DCDC2C: variants seen among roughly 807,000 people sequenced by gnomAD.
DCDC2C encodes doublecortin domain containing 2C.
A neutral mutation model predicts 45.0 loss-of-function variants in DCDC2C; 44 were observed. The ratio of observed to expected loss-of-function variants is 0.98; its 90% CI spans 0.77 to 1.26. The LOEUF (loss-of-function observed/expected upper bound fraction) is 1.26. Ranked by LOEUF, DCDC2C falls within the 50% of genes most tolerant of loss-of-function variation. DCDC2C has a pLI of 0.00. For missense variants in DCDC2C, 447 were observed against 468.9 expected, an observed-to-expected ratio of 0.95 and a Z score of 0.43; for synonymous variants, 187 against 178.8, an observed-to-expected ratio of 1.05 and a Z score of -0.37.
At chr2:3,739,279 A>T (rs1188520045) in intron 3 of DCDC2C, among the ~76,000 whole-genome samples, 1 of 152,214 alleles carries the variant, frequency 6.6e-6, no homozygotes, top group Admixed American at 6.5e-5. Flanking sequence ...GGGGGAAGGG[A>T]ACTGCTGGGG....
At chr2:3,738,539 GGAAAAAAAAA>G (rs1412089745) in intron 3 of DCDC2C, among the ~76,000 whole-genome samples, 4 of 55,248 alleles carry the variant, frequency 7.2e-5, no homozygotes, top group Non-Finnish European at 1.3e-4. Context: ...GGTCTATCTG[GGAAAAAAAAA>G]AAAAAAAAAA....
rs77670527 is a variant in DCDC2C, at chr2:3,779,662, G to A, written c.1023+778G>A. Among the ~76,000 whole-genome samples, 12 of 152,280 alleles carry A rather than the reference G, an allele frequency of 7.9e-5. No individual in the cohort carries two copies. In the East Asian group the frequency reaches 1.5e-3, roughly 20 times the overall value. On this transcript the variant is annotated intron_variant, in intron 9 of 10. Transcript: ENST00000399143. ...CAGGGAGCTGTGTAAATTGATCATC[G>A]CACAGGAGGCTGTGTAATGAGCTCC... is the stretch of plus-strand genomic sequence containing the variant.
At chr2:3,723,661 T>C (rs1668555772) in intron 2 of DCDC2C, among the ~76,000 whole-genome samples, 1 of 152,060 alleles carries the variant, frequency 6.6e-6, no homozygotes, top group South Asian at 2.1e-4. Context: ...GCTACTTTGC[T>C]TGCCATGAGG....
chr2:3,832,154 TGC>T (rs1370126415), intron 10 of DCDC2C, among the ~76,000 whole-genome samples: 1 of 152,222 alleles, frequency 6.6e-6, no homozygotes, highest in Non-Finnish European at 1.5e-5. Context: ...TCAAAACATC[TGC>T]CAACACTAAA....
At position 3,759,305 on chromosome 2, in the gene DCDC2C, C is replaced by T. The variant is rs1411066948; in HGVS notation, c.726+4671C>T. 1.3e-5 allele frequency among the ~76,000 whole-genome samples: 2 copies of T among 152,132 alleles called. 1 individual carries two copies. Among genetic ancestry groups the T allele is most frequent in the Non-Finnish European group, 2.9e-5 (2 of 68,022 alleles). The stretch of plus-strand genomic sequence containing the variant: ...TTCTTTATGTACAAGCATGCTATGT[C>T]ATAAAAATGGGTGTCTAAATGGTTC... On this transcript the variant is annotated intron_variant, in intron 6 of 10. Transcript: ENST00000399143.
intron 2 of DCDC2C, among the ~76,000 whole-genome samples, chr2:3,722,372 C>G (rs966115808): frequency 6.6e-6 from 1 of 152,230 alleles, no homozygotes; most frequent in African/African-American, 2.4e-5. Context: ...TATAACCTCT[C>G]TGATTCTTTG....
At chr2:3,800,629 G>A (rs1035938930) in intron 10 of DCDC2C, among the ~76,000 whole-genome samples, 3 of 123,948 alleles carry the variant, frequency 2.4e-5, no homozygotes, top group East Asian at 3.8e-4. Flanking sequence ...TGAGATAATC[G>A]TGTGGCTTCA....
At chr2:3,730,515 CTG>C (rs1232171498) in intron 3 of DCDC2C, among the ~76,000 whole-genome samples, 1 of 152,028 alleles carries the variant, frequency 6.6e-6, no homozygotes, top group Non-Finnish European at 1.5e-5. Context: ...ACAAAAGGAA[CTG>C]TTTTAAGGAA....
intron 7 of DCDC2C, 73 bp downstream of exon 7, chr2:3,767,953 T>TC (rs1670060085): frequency 7.3e-7 from 1 of 1,379,218 alleles, no homozygotes; most frequent in Non-Finnish European, 9.4e-7. Context: ...TTTTTTTTTT[T>TC]TCAGAGAAAT....
chr2:3,708,625 A>C (rs1265179518), intron 2 of DCDC2C, 25 bp downstream of exon 2: 10 of 1,525,224 alleles, frequency 6.6e-6, no homozygotes, highest in Non-Finnish European at 8.8e-6. Context: ...CTAACAACTA[A>C]TAATGGAATA....
At chr2:3,846,890 C>A (rs1352119578) in intron 10 of DCDC2C, among the ~76,000 whole-genome samples, 2 of 152,180 alleles carry the variant, frequency 1.3e-5, no homozygotes, top group Non-Finnish European at 2.9e-5. Context: ...AATGGAGTGG[C>A]CACCAGCACT....
At chr2:3,758,737 G>A (rs1274556774) in intron 6 of DCDC2C, among the ~76,000 whole-genome samples, 4 of 152,328 alleles carry the variant, frequency 2.6e-5, no homozygotes, top group African/African-American at 7.2e-5. Context: ...TTTCACCTTG[G>A]TTGCTTATGA....
chr2:3,754,635 G>A lies in DCDC2C; in HGVS notation c.726+1G>A. The A allele has an allele frequency of 6.5e-7, 1 of 1,549,092 alleles. No individual in the cohort carries two copies. Among genetic ancestry groups the A allele is most frequent in the South Asian group, 1.2e-5 (1 of 83,714 alleles). ...AAAAAACTCACAGAGAAAGAAAAAAGTAAGTAACTTTTTAAAACAAGTAAG... is the reference window on the plus strand; with the variant it reads ...AAAAAACTCACAGAGAAAGAAAAAAATAAGTAACTTTTTAAAACAAGTAAG... On this transcript the variant is annotated splice_donor_variant, in intron 6 of 10. Transcript: ENST00000399143. LOFTEE classifies it high-confidence loss of function.
intron 3 of DCDC2C, among the ~76,000 whole-genome samples, chr2:3,740,043 A>G (rs941852280): frequency 2.0e-5 from 3 of 152,224 alleles, no homozygotes; most frequent in African/African-American, 7.2e-5. Context: ...GTTCACAACC[A>G]CTATTAACCC....
At chr2:3,831,163 T>A (rs1671940879) in intron 10 of DCDC2C, among the ~76,000 whole-genome samples, 1 of 152,144 alleles carries the variant, frequency 6.6e-6, no homozygotes, top group Admixed American at 6.5e-5. Flanking sequence ...GGTTTTCTCC[T>A]ATTTGTAGAC....
intron 6 of DCDC2C, among the ~76,000 whole-genome samples, chr2:3,765,924 C>G (rs2148148388): frequency 6.6e-6 from 1 of 152,224 alleles, no homozygotes; most frequent in South Asian, 2.1e-4. Flanking sequence ...CTGCGCTGCT[C>G]CCGATTTCAC....
At chr2:3,832,541 C>T (rs1671976696) in intron 10 of DCDC2C, among the ~76,000 whole-genome samples, 1 of 152,216 alleles carries the variant, frequency 6.6e-6, no homozygotes. Context: ...AAGCTGGCTG[C>T]TCTGCCACTC....
chr2:3,783,005 G>C (rs17018016), intron 9 of DCDC2C, among the ~76,000 whole-genome samples: 39,168 of 152,096 alleles, frequency 0.26, 5,461 homozygotes, highest in East Asian at 0.58. Flanking sequence ...GATGACACGA[G>C]CTTCCTATCC....
intron 10 of DCDC2C, among the ~76,000 whole-genome samples, chr2:3,809,993 T>C (rs1029294391): frequency 2.0e-5 from 3 of 152,246 alleles, no homozygotes; most frequent in Admixed American, 2.0e-4. Context: ...CAGCTTATCA[T>C]TGATGGGCAT....
Sources: gnomAD v4.1 joint callset for allele counts (sites outside exome capture counted in the v4.1 genomes callset) on GRCh38, gnomAD v4.1.1 for gene constraint, MANE v1.5 for transcripts, NCBI Gene and HGNC (gene_info 2026-07-23, HGNC 2026-07-21) for gene names.